Variants in HECW2 observed in about 807,000 individuals in gnomAD.
The protein encoded by HECW2 is HECT, C2 and WW domain containing E3 ubiquitin protein ligase 2.
HECW2 carries 61 observed loss-of-function variants against 175.2 expected under a neutral mutation model. The ratio of observed to expected loss-of-function variants is 0.35; its 90% CI spans 0.28 to 0.43. HECW2 has a LOEUF of 0.43. HECW2 is among the 20% of genes least tolerant of loss of function. The pLI, the probability that HECW2 is intolerant of heterozygous loss-of-function variation, is 1.00. For missense variants in HECW2, 1,524 were observed against 2,000.5 expected, an observed-to-expected ratio of 0.76 and a Z score of 4.54; for synonymous variants, 671 against 731.0, an observed-to-expected ratio of 0.92 and a Z score of 1.32.
At chr2:196,361,805 A>G (rs776185420) in intron 2 of HECW2, 1 of 985,224 alleles carries the variant, frequency 1.0e-6, no homozygotes, top group Non-Finnish European at 1.2e-6. Flanking sequence ...ACTTTCCAAT[A>G]TCTTACCTCA....
At chr2:196,338,454 C>G (rs1411271766) in intron 3 of HECW2, among the ~76,000 whole-genome samples, 1 of 152,104 alleles carries the variant, frequency 6.6e-6, no homozygotes, top group African/African-American at 2.4e-5. Context: ...ATTACCTATT[C>G]AAAATTATTT....
chr2:196,418,683 C>A (rs1357235293), intron 2 of HECW2, among the ~76,000 whole-genome samples: 2 of 152,052 alleles, frequency 1.3e-5, no homozygotes, highest in African/African-American at 4.8e-5. Flanking sequence ...ATACTGAATT[C>A]AGGAAAATGT....
At chr2:196,510,884 T>C (rs182011285) in intron 1 of HECW2, among the ~76,000 whole-genome samples, 4 of 152,334 alleles carry the variant, frequency 2.6e-5, no homozygotes, top group Admixed American at 2.6e-4. Context: ...TGAGGACTAC[T>C]CCCCCATTCT....
At chr2:196,321,482 C>A (rs1691939943) in intron 7 of HECW2, among the ~76,000 whole-genome samples, 1 of 150,772 alleles carries the variant, frequency 6.6e-6, no homozygotes, top group Non-Finnish European at 1.5e-5. Context: ...CTGCAACCTC[C>A]ACCTCCCGGG....
At chr2:196,291,405 T>C (rs1373460428) in intron 14 of HECW2, 13 of 152,210 alleles carry the variant, frequency 8.5e-5, no homozygotes, top group Non-Finnish European at 7.3e-5. Flanking sequence ...TATTTATTTG[T>C]CTATTGCCTG....
chr2:196,502,352 T>C (rs1173450103), intron 1 of HECW2, among the ~76,000 whole-genome samples: 1 of 152,188 alleles, frequency 6.6e-6, no homozygotes, highest in African/African-American at 2.4e-5. Context: ...ATTAAAAAAT[T>C]ATTGTGGAGC....
chr2:196,571,700 C>CAA lies in HECW2; in HGVS notation c.-36+21806_-36+21807dup, dbSNP rs111632715. On this transcript the variant is annotated intron_variant, in intron 1 of 28. Transcript: ENST00000644978. ...TGGGCAATGGGATGAGATTCTGTCTCAAAAAAAAAAATAAAAGAAAAATCA... is the reference window on the plus strand; with the variant it reads ...TGGGCAATGGGATGAGATTCTGTCTCAAAAAAAAAAAAATAAAAGAAAAATCA... Among the ~76,000 whole-genome samples the CAA allele has an allele frequency of 4.9e-3, 712 of 144,502 alleles. 6 individuals carry two copies. Among genetic ancestry groups the CAA allele is most frequent in the African/African-American group, 0.017 (661 of 39,372 alleles). The allele number at this position is 144,502 out of a possible 152,430, so 94.8% of individuals were successfully genotyped here.
intron 11 of HECW2, 108 bp from the exon 12 acceptor site, chr2:196,307,341 C>A: frequency 1.6e-6 from 1 of 644,406 alleles, no homozygotes; most frequent in South Asian, 2.3e-5. Context: ...TCAACTATTT[C>A]CTCCTCCAAC....
Position 196,406,767 on chromosome 2 carries a change from T to C in HECW2, c.292+26365A>G, listed in dbSNP as rs1474308776. Among the ~76,000 whole-genome samples the C allele has an allele frequency of 4.6e-5, 7 of 152,326 alleles. No individual in the cohort carries two copies. In the East Asian group the frequency reaches 1.3e-3, roughly 29 times the overall value. On this transcript the variant is annotated intron_variant, in intron 2 of 28. Transcript: ENST00000644978. ...GCTTAGGGCCTTAGGAACCATTCTC[T>C]GCCTAGAATGCTCCTACCTCTGATG... is the stretch of plus-strand genomic sequence containing the variant.
chr2:196,475,981 T>TCA (rs1686594959), intron 1 of HECW2, among the ~76,000 whole-genome samples: 5 of 152,244 alleles, frequency 3.3e-5, no homozygotes, highest in Admixed American at 3.3e-4. Context: ...CCGCTGTGCC[T>TCA]CACCATGTTC....
At chr2:196,541,040 C>A (rs1202669830) in intron 1 of HECW2, among the ~76,000 whole-genome samples, 1 of 152,112 alleles carries the variant, frequency 6.6e-6, no homozygotes, top group Non-Finnish European at 1.5e-5. Flanking sequence ...CCCTTACCAA[C>A]CTCATCCAAG....
At chr2:196,443,527 C>T (rs1696097348) in intron 1 of HECW2, among the ~76,000 whole-genome samples, 1 of 152,156 alleles carries the variant, frequency 6.6e-6, no homozygotes, top group Admixed American at 6.5e-5. Context: ...AGCAAAACTT[C>T]ATTTTAAGAA....
chr2:196,451,028 T>C (rs1481215696), intron 1 of HECW2, among the ~76,000 whole-genome samples: 1 of 152,152 alleles, frequency 6.6e-6, no homozygotes, highest in Non-Finnish European at 1.5e-5. Flanking sequence ...GATATAATTA[T>C]TGAAACATTG....
intron 1 of HECW2, among the ~76,000 whole-genome samples, chr2:196,513,738 G>C (rs933125617): frequency 1.3e-5 from 2 of 152,228 alleles, no homozygotes; most frequent in Admixed American, 1.3e-4. Flanking sequence ...CACATGTGAA[G>C]AGACAGAGCG....
intron 1 of HECW2, among the ~76,000 whole-genome samples, chr2:196,452,731 C>T (rs1696383280): frequency 6.6e-6 from 1 of 151,634 alleles, no homozygotes; most frequent in South Asian, 2.1e-4. Context: ...GCAAAATCTT[C>T]CTCAGAAAAC....
At chr2:196,219,543 C>G (rs547802215) in intron 26 of HECW2, among the ~76,000 whole-genome samples, 1 of 152,304 alleles carries the variant, frequency 6.6e-6, no homozygotes, top group Non-Finnish European at 1.5e-5. Flanking sequence ...GAATTTAGAA[C>G]TTCTCCAATA....
chr2:196,238,343 A>G (rs1242702950), intron 21 of HECW2, among the ~76,000 whole-genome samples: 1 of 152,188 alleles, frequency 6.6e-6, no homozygotes, highest in African/African-American at 2.4e-5. Context: ...TCCAGAAAAA[A>G]AGTTAGGGTT....
intron 1 of HECW2, among the ~76,000 whole-genome samples, chr2:196,508,904 T>C (rs1687853074): frequency 6.6e-6 from 1 of 152,120 alleles, no homozygotes; most frequent in Non-Finnish European, 1.5e-5. Context: ...CTGTCTCTAC[T>C]AAAAATACAA....
At position 196,319,212 on chromosome 2, in the gene HECW2, C is replaced by T. The variant is rs1177519064; in HGVS notation, c.1678G>A (p.Ala560Thr). The T allele has an allele frequency of 1.9e-6, 3 of 1,597,964 alleles. No individual in the cohort carries two copies. The highest frequency in any genetic ancestry group is 2.6e-6 in the Non-Finnish European group (3 of 1,172,338). The change falls in exon 9 of 29, where the codon GCT (alanine) becomes ACT (threonine). Residue 560 changes from alanine to threonine, a missense_variant. Transcript: ENST00000644978. The stretch of plus-strand genomic sequence containing the variant: ...CACAGTTCAGCACTGCCCTGGTCAG[C>T]ACTGGGTTGAGGCTCTGGGCCGCCT... ...GEGGPEPQPS[A>T]DQGSAELCGS...
Sources: gnomAD v4.1 joint callset for allele counts (sites outside exome capture counted in the v4.1 genomes callset) on GRCh38, gnomAD v4.1.1 for gene constraint, MANE v1.5 for transcripts, NCBI Gene and HGNC (gene_info 2026-07-23, HGNC 2026-07-21) for gene names.